Variants in TACC1 observed in about 807,000 individuals in gnomAD.
TACC1 encodes transforming acidic coiled-coil containing protein 1.
In TACC1, 48 loss-of-function variants were observed where a neutral mutation model predicts 84.4. That is an observed-to-expected ratio of 0.57 (90% CI 0.45 to 0.72). The LOEUF (loss-of-function observed/expected upper bound fraction) is 0.72, where lower values mean the gene tolerates loss of function less well. Ranked by LOEUF, TACC1 falls within the 30% of genes least tolerant of loss-of-function variation. The probability of loss-of-function intolerance (pLI) is 0.00; values close to 1 mark genes in which losing one functional copy is unlikely to be tolerated. For synonymous variants in TACC1, 372 were observed against 376.3 expected, an observed-to-expected ratio of 0.99 and a Z score of 0.13; for missense variants, 920 against 973.0, an observed-to-expected ratio of 0.95 and a Z score of 0.72.
intron 3 of TACC1, among the ~76,000 whole-genome samples, chr8:38,763,020 C>A (rs932791115): frequency 1.3e-5 from 2 of 152,164 alleles, no homozygotes; most frequent in Non-Finnish European, 2.9e-5. Flanking sequence ...AGTGGCTGCA[C>A]CATTTGTCAT....
intron 8 of TACC1, 88 bp from the exon 9 acceptor site, chr8:38,840,136 A>C: frequency 1.1e-6 from 1 of 896,974 alleles, no homozygotes; most frequent in Non-Finnish European, 1.8e-6. Flanking sequence ...GTGTATGTTA[A>C]TGTGTTTAAT....
intron 3 of TACC1, among the ~76,000 whole-genome samples, chr8:38,769,205 A>T (rs1812934551): frequency 9.1e-5 from 8 of 87,798 alleles, no homozygotes; most frequent in East Asian, 8.7e-4. Context: ...GGTGTGTGTG[A>T]TTGTGTGGTG....
intron 2 of TACC1, among the ~76,000 whole-genome samples, chr8:38,806,968 C>T (rs1822908578): frequency 6.6e-6 from 1 of 152,082 alleles, no homozygotes; most frequent in Non-Finnish European, 1.5e-5. Context: ...ATACCCTCGC[C>T]CAGGTTTGAT....
chr8:38,816,700 G>T (rs1195150385), intron 2 of TACC1, among the ~76,000 whole-genome samples: 2 of 152,308 alleles, frequency 1.3e-5, no homozygotes, highest in Middle Eastern at 3.4e-3. Context: ...CCCCATACCT[G>T]CAGGGGTGCA....
chr8:38,808,649 A>C (rs921489260), intron 2 of TACC1, among the ~76,000 whole-genome samples: 1 of 152,188 alleles, frequency 6.6e-6, no homozygotes. Context: ...TCCTGGGCTC[A>C]AGGAACACCC....
At chr8:38,816,053 C>G (rs1030437429) in intron 2 of TACC1, among the ~76,000 whole-genome samples, 1 of 151,848 alleles carries the variant, frequency 6.6e-6, no homozygotes, top group African/African-American at 2.4e-5. Context: ...TCAGTAGTTG[C>G]AGATAAGTTT....
At chr8:38,825,210 G>A in intron 3 of TACC1, 98 bp from the exon 4 acceptor site, 1 of 1,259,094 alleles carries the variant, frequency 7.9e-7, no homozygotes, top group Non-Finnish European at 1.2e-6. Flanking sequence ...TGTATGCTTT[G>A]GCTTCTATCC....
At chr8:38,795,267 A>G (rs992988035) in intron 2 of TACC1, among the ~76,000 whole-genome samples, 4 of 152,246 alleles carry the variant, frequency 2.6e-5, no homozygotes, top group Admixed American at 1.3e-4. Context: ...AAAAAATTCC[A>G]GGGCAGGGAA....
At chr8:38,758,843 C>T (rs1325664140) in intron 3 of TACC1, among the ~76,000 whole-genome samples, 4 of 151,980 alleles carry the variant, frequency 2.6e-5, no homozygotes, top group Admixed American at 6.6e-5. Flanking sequence ...AAGCACAGAA[C>T]GATCAAGTAA....
intron 3 of TACC1, among the ~76,000 whole-genome samples, chr8:38,748,226 A>C (rs2151725293): frequency 6.6e-6 from 1 of 152,298 alleles, no homozygotes; most frequent in East Asian, 1.9e-4. Context: ...AAAGAAGGGC[A>C]CTTTAGAAGA....
chr8:38,841,914 C>G (rs147255993), intron 9 of TACC1, among the ~76,000 whole-genome samples: 2,821 of 152,316 alleles, frequency 0.019, 31 homozygotes, highest in Non-Finnish European at 0.031. Context: ...ATGATACTTT[C>G]TATCATCCAC....
At chr8:38,758,041 T>A (rs1013412559) in intron 3 of TACC1, among the ~76,000 whole-genome samples, 4 of 152,218 alleles carry the variant, frequency 2.6e-5, no homozygotes, top group Admixed American at 2.6e-4. Context: ...AGTCCTACGG[T>A]TTGAAAGATG....
upstream of TACC1, among the ~76,000 whole-genome samples, chr8:38,787,021 G>C (rs1024889698): frequency 1.3e-5 from 2 of 151,738 alleles, no homozygotes; most frequent in Non-Finnish European, 2.9e-5. Flanking sequence ...GGGTATGACC[G>C]AATCTCCCCG....
rs1013134011 is a variant in TACC1, at chr8:38,794,558, TTGTTTG to T, written c.277+5743_277+5748del. Among the ~76,000 whole-genome samples, 175 of 126,168 alleles carry T rather than the reference TTGTTTG, an allele frequency of 1.4e-3. 1 individual carries two copies. Among genetic ancestry groups the T allele is most frequent in the African/African-American group, 4.9e-3 (151 of 30,666 alleles). 82.8% of individuals were successfully genotyped at this position (126,168 alleles called of 152,430 possible). A position where few individuals can be genotyped will look rare whatever the true frequency, so the allele number is the denominator to read the frequency against. On this transcript the variant is annotated intron_variant, in intron 2 of 12. Transcript: ENST00000317827. ...TTTTAGACTGCACGTGTGTGTGTGT[TTGTTTG>T]TGTGTGTGTGTGTGTGCGTGCTATA... is the stretch of plus-strand genomic sequence containing the variant.
intron 2 of TACC1, among the ~76,000 whole-genome samples, chr8:38,798,761 G>A (rs1820625648): frequency 6.6e-6 from 1 of 152,000 alleles, no homozygotes; most frequent in African/African-American, 2.4e-5. Flanking sequence ...CATGCTTCCG[G>A]GGATCCTGGG....
Position 38,787,622 on chromosome 8 carries a change from TG to T in TACC1, c.43del (p.Ala15ArgfsTer37). 1 of 1,545,952 alleles carries T rather than the reference TG, an allele frequency of 6.5e-7. No individual in the cohort carries two copies. Among genetic ancestry groups the T allele is most frequent in the Non-Finnish European group, 8.7e-7 (1 of 1,144,828 alleles). The stretch of plus-strand genomic sequence containing the variant: ...GTGGCAGATCCTGTCCCCCGTGCAG[TG>T]GGCGAAATGGACGTGGTCTGCGGTA... ...SPWQILSPVQ[W>X]AKWTWSAVRG... On this transcript the variant is annotated frameshift_variant, in exon 1 of 13. Transcript: ENST00000317827. LOFTEE classifies it high-confidence loss of function.
intron 3 of TACC1, chr8:38,824,160 C>T: frequency 1.5e-6 from 1 of 683,500 alleles, no homozygotes; most frequent in South Asian, 1.4e-5. Context: ...TGCATTTCAT[C>T]AGTCACTTCA....
intron 6 of TACC1, among the ~76,000 whole-genome samples, chr8:38,833,631 T>C (rs1829688828): frequency 6.6e-6 from 1 of 152,232 alleles, no homozygotes; most frequent in South Asian, 2.1e-4. Context: ...AGACCCCACA[T>C]GTGTTAGCAT....
chr8:38,793,923 T>C lies in TACC1; in HGVS notation c.277+5104T>C, dbSNP rs143165335. 2.1e-3 allele frequency among the ~76,000 whole-genome samples: 316 copies of C among 152,354 alleles called. 1 individual carries two copies. The highest frequency in any genetic ancestry group is 3.4e-3 in the Non-Finnish European group (234 of 68,042). On this transcript the variant is annotated intron_variant, in intron 2 of 12. Transcript: ENST00000317827. ...AAATGTCAACCTACATCTATACTTA[T>C]TACAATTTCAGTAAAAATACAGAGT...
Sources: gnomAD v4.1 joint callset for allele counts (sites outside exome capture counted in the v4.1 genomes callset) on GRCh38, gnomAD v4.1.1 for gene constraint, MANE v1.5 for transcripts, NCBI Gene and HGNC (gene_info 2026-07-23, HGNC 2026-07-21) for gene names.